Variants in HS6ST3 observed in about 807,000 individuals in gnomAD.
The protein encoded by HS6ST3 is heparan-sulfate 6-O-sulfotransferase 3.
HS6ST3 carries 12 observed loss-of-function variants against 36.7 expected under a neutral mutation model. That is an observed-to-expected ratio of 0.33 (90% confidence interval 0.21 to 0.53). The LOEUF (loss-of-function observed/expected upper bound fraction) is 0.53. Among genes scored for constraint, HS6ST3 ranks in the 20% least tolerant of loss-of-function variants. The pLI, the probability that HS6ST3 is intolerant of heterozygous loss-of-function variation, is 0.95. For synonymous variants in HS6ST3, 240 were observed against 257.5 expected (o/e 0.93, Z 0.65); for missense variants, 584 against 640.9 (o/e 0.91, Z 0.96).
chr13:96,128,130 T>C (rs1484162434), intron 1 of HS6ST3, among the ~76,000 whole-genome samples: 2 of 152,218 alleles, frequency 1.3e-5, no homozygotes, highest in African/African-American at 4.8e-5. Context: ...AGAAAGCCAG[T>C]GTTTTGTTAT....
At chr13:96,158,261 G>A (rs1008881572) in intron 1 of HS6ST3, among the ~76,000 whole-genome samples, 1 of 152,124 alleles carries the variant, frequency 6.6e-6, no homozygotes, top group African/African-American at 2.4e-5. Flanking sequence ...AGAGGGAGAT[G>A]CGGGAAGGAG....
At chr13:96,163,423 G>A (rs2054146387) in intron 1 of HS6ST3, among the ~76,000 whole-genome samples, 1 of 151,888 alleles carries the variant, frequency 6.6e-6, no homozygotes. Context: ...TAGAGATGGG[G>A]TTTCACCGTA....
At chr13:96,777,141 C>T (rs914275990) in intron 1 of HS6ST3, among the ~76,000 whole-genome samples, 20 of 151,920 alleles carry the variant, frequency 1.3e-4, no homozygotes, top group African/African-American at 4.4e-4. Context: ...AAATTCAACA[C>T]CCCTTCATGC....
chr13:96,611,139 T>TTTA (rs1227194041), intron 1 of HS6ST3, among the ~76,000 whole-genome samples: 3 of 150,484 alleles, frequency 2.0e-5, no homozygotes, highest in Admixed American at 2.0e-4. Context: ...AATTTATTTA[T>TTTA]TTATTATTAT....
intron 1 of HS6ST3, among the ~76,000 whole-genome samples, chr13:96,564,708 C>T (rs2056274746): frequency 6.6e-6 from 1 of 152,162 alleles, no homozygotes; most frequent in African/African-American, 2.4e-5. Flanking sequence ...ATTCTTCCCT[C>T]ATCTCTAGTT....
chr13:96,382,925 A>T (rs906140279), intron 1 of HS6ST3, among the ~76,000 whole-genome samples: 2 of 152,242 alleles, frequency 1.3e-5, no homozygotes, highest in Admixed American at 1.3e-4. Context: ...ATCAAAGAGA[A>T]AAAATACATG....
At chr13:96,597,788 G>A (rs923111580) in intron 1 of HS6ST3, among the ~76,000 whole-genome samples, 18 of 152,048 alleles carry the variant, frequency 1.2e-4, no homozygotes, top group African/African-American at 4.1e-4. Context: ...TTTTCTTCTA[G>A]AATTTTTATG....
intron 1 of HS6ST3, among the ~76,000 whole-genome samples, chr13:96,723,425 C>G (rs953524608): frequency 1.3e-5 from 2 of 152,160 alleles, no homozygotes; most frequent in Non-Finnish European, 2.9e-5. Flanking sequence ...CAGAGCTGAC[C>G]TCCCAGCCCT....
intron 1 of HS6ST3, among the ~76,000 whole-genome samples, chr13:96,530,551 T>G (rs764869389): frequency 1.1e-4 from 16 of 151,738 alleles, no homozygotes; most frequent in Non-Finnish European, 1.9e-4. Context: ...CGCCCAGGCT[T>G]GAGTGTGGTA....
At chr13:96,643,888 T>C (rs1218281272) in intron 1 of HS6ST3, among the ~76,000 whole-genome samples, 1 of 151,932 alleles carries the variant, frequency 6.6e-6, no homozygotes, top group African/African-American at 2.4e-5. Context: ...TAAAATAACA[T>C]ACAATGTGCT....
At chr13:96,513,606 C>A (rs1424354590) in intron 1 of HS6ST3, among the ~76,000 whole-genome samples, 2 of 151,950 alleles carry the variant, frequency 1.3e-5, no homozygotes, top group African/African-American at 4.8e-5. Flanking sequence ...CTTAAATATT[C>A]TTTGAACTCT....
At chr13:96,273,138 G>T (rs1190181209) in intron 1 of HS6ST3, among the ~76,000 whole-genome samples, 2 of 151,984 alleles carry the variant, frequency 1.3e-5, no homozygotes, top group South Asian at 2.1e-4. Flanking sequence ...GGGAGCTAGA[G>T]TTTCTAAGTC....
Position 96,125,778 on chromosome 13 carries a change from TA to T in HS6ST3, c.707+34210del, listed in dbSNP as rs548853280. Among the ~76,000 whole-genome samples, 10 of 151,848 alleles carry T rather than the reference TA, an allele frequency of 6.6e-5. No individual in the cohort carries two copies. The East Asian group carries it at 1.4e-3, about 21-fold the overall frequency. On this transcript the variant is annotated intron_variant, in intron 1 of 1. Coordinates refer to ENST00000376705, the MANE Select transcript of HS6ST3 (RefSeq NM_153456.4). Reference sequence around the variant, plus strand: ...TTTTTTCTTCCATTTTTTTATTTTTTATTTTTTTATTATTATTATACTTTAA... The same window carrying T: ...TTTTTTCTTCCATTTTTTTATTTTTTTTTTTTTATTATTATTATACTTTAA...
chr13:96,316,563 G>A (rs907382470), intron 1 of HS6ST3, among the ~76,000 whole-genome samples: 2 of 152,080 alleles, frequency 1.3e-5, no homozygotes, highest in African/African-American at 4.8e-5. Flanking sequence ...ACACACTTCA[G>A]GGGAGAAGCC....
intron 1 of HS6ST3, among the ~76,000 whole-genome samples, chr13:96,382,613 T>C (rs1251873083): frequency 6.6e-6 from 1 of 152,182 alleles, no homozygotes; most frequent in Non-Finnish European, 1.5e-5. Context: ...TGCAATAATA[T>C]AACAAACATA....
intron 1 of HS6ST3, among the ~76,000 whole-genome samples, chr13:96,412,373 C>G (rs1412810139): frequency 6.6e-6 from 1 of 152,012 alleles, no homozygotes; most frequent in African/African-American, 2.4e-5. Flanking sequence ...GGAAGATGAT[C>G]AAGATCAGAG....
intron 1 of HS6ST3, among the ~76,000 whole-genome samples, chr13:96,781,573 T>G (rs979272373): frequency 6.6e-6 from 1 of 152,224 alleles, no homozygotes; most frequent in Non-Finnish European, 1.5e-5. Context: ...AGTTTACTCT[T>G]TTGAAAAGGC....
chr13:96,794,728 A>G (rs1877869544), intron 1 of HS6ST3, among the ~76,000 whole-genome samples: 1 of 152,046 alleles, frequency 6.6e-6, no homozygotes, highest in African/African-American at 2.4e-5. Flanking sequence ...TCACTATACC[A>G]TCCTCTGAAA....
intron 1 of HS6ST3, among the ~76,000 whole-genome samples, chr13:96,175,485 C>T (rs114874490): frequency 0.011 from 1,633 of 151,758 alleles, 34 homozygotes; most frequent in African/African-American, 0.038. Context: ...TATCATCAGC[C>T]CTGGGAAGTG....
Sources: allele counts gnomAD v4.1 joint callset (sites outside exome capture counted in the v4.1 genomes callset), GRCh38; gene constraint gnomAD v4.1.1; transcripts MANE v1.5; gene names NCBI Gene and HGNC (gene_info 2026-07-23, HGNC 2026-07-21).